Variants in PTK2B observed in about 807,000 individuals in gnomAD.
PTK2B encodes the protein protein-tyrosine kinase 2-beta.
A neutral mutation model predicts 142.9 loss-of-function variants in PTK2B; 71 were observed. The observed-to-expected ratio is 0.50, with a 90% CI of 0.41 to 0.61. The LOEUF (loss-of-function observed/expected upper bound fraction) is 0.61, where lower values mean the gene tolerates loss of function less well. Among genes scored for constraint, PTK2B ranks in the 20% least tolerant of loss-of-function variants. PTK2B has a pLI of 0.00. For missense variants in PTK2B, 1,105 were observed against 1,320.4 expected (o/e 0.84, Z 2.53); for synonymous variants, 519 against 503.4 (o/e 1.03, Z -0.42).
At chr8:27,440,493 G>A in intron 21 of PTK2B, 52 bp downstream of exon 21, 1 of 1,575,010 alleles carries the variant, frequency 6.3e-7, no homozygotes, top group Non-Finnish European at 8.7e-7. Context: ...CTGCACCAGG[G>A]AGCAAGACCA....
intron 1 of PTK2B, among the ~76,000 whole-genome samples, chr8:27,347,914 A>G (rs1444830725): frequency 6.6e-6 from 1 of 152,184 alleles, no homozygotes; most frequent in Non-Finnish European, 1.5e-5. Flanking sequence ...TCTTCCAAGA[A>G]GCTCTCATGC....
intron 12 of PTK2B, 99 bp downstream of exon 12, chr8:27,434,231 G>GT: frequency 6.9e-7 from 1 of 1,450,650 alleles, no homozygotes; most frequent in Non-Finnish European, 9.5e-7. Flanking sequence ...ATAGTTTCTG[G>GT]CTTTCAGGCC....
chr8:27,432,717 T>G (rs1318632020), intron 10 of PTK2B, among the ~76,000 whole-genome samples: 1 of 152,104 alleles, frequency 6.6e-6, no homozygotes. Context: ...TTTTTTTGTT[T>G]GTTTGTTTGT....
intron 26 of PTK2B, 82 bp downstream of exon 26, chr8:27,451,160 C>A (rs1217422670): frequency 2.9e-5 from 44 of 1,492,894 alleles, no homozygotes; most frequent in Non-Finnish European, 3.9e-5. Flanking sequence ...GCCCAACTTG[C>A]TCCTACCCCC....
rs375529640 is a variant in PTK2B at position 27,445,774 on chromosome 8, T to G, written c.2215-20T>G. On this transcript the variant is annotated intron_variant, in intron 23 of 30. Transcript: ENST00000346049. ...CTCGCTTTGTCCCGTGCCTTGTGCTTCTTTGCTTTTCCTGAATAGGTTCCT... is the reference window on the plus strand; with the variant it reads ...CTCGCTTTGTCCCGTGCCTTGTGCTGCTTTGCTTTTCCTGAATAGGTTCCT... 44 of 1,612,898 alleles carry G rather than the reference T, an allele frequency of 2.7e-5. No individual in the cohort carries two copies. In the African/African-American group the frequency reaches 4.9e-4, roughly 18 times the overall value.
chr8:27,440,253 G>A lies in PTK2B; in HGVS notation c.1851G>A (p.Glu617=). 1 of 1,614,210 alleles carries A rather than the reference G, an allele frequency of 6.2e-7. No individual in the cohort carries two copies. The highest frequency in any genetic ancestry group is 1.1e-5 in the South Asian group (1 of 91,080). The change falls in exon 21 of 31, where the codon GAG becomes GAA. Residue 617 remains glutamate (E), a synonymous_variant. Transcript: ENST00000346049. ...ACACCCCAGCCGTGTGCATGTGGGA[G>A]ATCCTGAGCTTTGGGAAGCAGCCCT... ...DVWMFAVCMW[E]ILSFGKQPFF...
At chr8:27,341,670 G>A (rs1234183159) in intron 1 of PTK2B, among the ~76,000 whole-genome samples, 1 of 152,006 alleles carries the variant, frequency 6.6e-6, no homozygotes, top group Admixed American at 6.6e-5. Context: ...GGCTGTGGGG[G>A]GGTTTTGTGT....
intron 1 of PTK2B, among the ~76,000 whole-genome samples, chr8:27,389,423 C>T (rs1807573288): frequency 6.6e-6 from 1 of 152,134 alleles, no homozygotes; most frequent in Admixed American, 6.5e-5. Context: ...GAATGGAGCC[C>T]AGAAGTCAAA....
At chr8:27,450,470 AATATC>A (rs1811729239) in intron 24 of PTK2B, among the ~76,000 whole-genome samples, 1 of 152,252 alleles carries the variant, frequency 6.6e-6, no homozygotes, top group South Asian at 2.1e-4. Context: ...CACTTGGTAA[AATATC>A]ATGAGCAGAT....
intron 1 of PTK2B, among the ~76,000 whole-genome samples, chr8:27,382,180 T>C (rs979908933): frequency 6.6e-6 from 1 of 152,206 alleles, no homozygotes; most frequent in Non-Finnish European, 1.5e-5. Context: ...ACTCCTGTCC[T>C]CAAGTCATCC....
At chr8:27,432,681 G>A (rs907988415) in intron 10 of PTK2B, among the ~76,000 whole-genome samples, 12 of 152,056 alleles carry the variant, frequency 7.9e-5, no homozygotes, top group East Asian at 1.9e-4. Flanking sequence ...ACAAGGATGC[G>A]GACATCAAGA....
At chr8:27,325,887 C>T (rs1803381044) in intron 1 of PTK2B, among the ~76,000 whole-genome samples, 1 of 152,188 alleles carries the variant, frequency 6.6e-6, no homozygotes, top group Admixed American at 6.5e-5. Flanking sequence ...AAGAGGGGTT[C>T]TATTTTTGGA....
chr8:27,374,303 AC>A (rs1183867721), intron 1 of PTK2B, among the ~76,000 whole-genome samples: 1 of 152,234 alleles, frequency 6.6e-6, no homozygotes. Flanking sequence ...TTTTGAGGAT[AC>A]TTGGGATCTG....
chr8:27,454,424 G>A, intron 29 of PTK2B, 107 bp from the exon 30 acceptor site: 2 of 1,547,868 alleles, frequency 1.3e-6, no homozygotes, highest in Non-Finnish European at 1.8e-6. Context: ...TGAGTCCCAG[G>A]CCACTCGCGG....
chr8:27,328,652 C>T (rs1803557957), intron 1 of PTK2B, among the ~76,000 whole-genome samples: 1 of 152,154 alleles, frequency 6.6e-6, no homozygotes, highest in Non-Finnish European at 1.5e-5. Context: ...TCAAATGAGC[C>T]TGCACTTGGA....
At chr8:27,328,105 C>A (rs367671947) in intron 1 of PTK2B, among the ~76,000 whole-genome samples, 97 of 152,282 alleles carry the variant, frequency 6.4e-4, no homozygotes, top group African/African-American at 2.3e-3. Flanking sequence ...CTTTGCTACT[C>A]CCTTCCCATA....
At chr8:27,336,677 G>A (rs1471474253) in intron 1 of PTK2B, among the ~76,000 whole-genome samples, 2 of 152,112 alleles carry the variant, frequency 1.3e-5, no homozygotes, top group African/African-American at 2.4e-5. Context: ...TCCCAGTTTA[G>A]GAAACATTGT....
intron 2 of PTK2B, among the ~76,000 whole-genome samples, chr8:27,402,991 T>C (rs532355100): frequency 6.6e-6 from 1 of 152,364 alleles, no homozygotes; most frequent in African/African-American, 2.4e-5. Context: ...CTTTGCTGTG[T>C]AGTGCCTGTG....
intron 1 of PTK2B, among the ~76,000 whole-genome samples, chr8:27,328,024 G>A (rs570335117): frequency 1.1e-4 from 17 of 152,296 alleles, no homozygotes; most frequent in African/African-American, 3.9e-4. Context: ...ACATAGTAGG[G>A]TTCATGCTTC....
Sources: gnomAD v4.1 joint callset for allele counts (sites outside exome capture counted in the v4.1 genomes callset) on GRCh38, gnomAD v4.1.1 for gene constraint, MANE v1.5 for transcripts, NCBI Gene and HGNC (gene_info 2026-07-23, HGNC 2026-07-21) for gene names.